ANO10: variants seen among roughly 807,000 people sequenced by gnomAD.
ANO10 encodes anoctamin 10.
In ANO10, 77 loss-of-function variants were observed where a neutral mutation model predicts 74.7. The observed-to-expected ratio is 1.03, with a 90% CI of 0.86 to 1.25. The LOEUF (loss-of-function observed/expected upper bound fraction) is 1.25, where lower values mean the gene tolerates loss of function less well. Ranked by LOEUF, ANO10 falls within the 50% of genes most tolerant of loss-of-function variation. ANO10 has a pLI of 0.00. For synonymous variants in ANO10, 279 were observed against 284.9 expected, an observed-to-expected ratio of 0.98 and a Z score of 0.21; for missense variants, 721 against 778.1, an observed-to-expected ratio of 0.93 and a Z score of 0.87.
chr3:43,384,032 C>T (rs1473099216), intron 12 of ANO10, among the ~76,000 whole-genome samples: 1 of 152,148 alleles, frequency 6.6e-6, no homozygotes, highest in Non-Finnish European at 1.5e-5. Flanking sequence ...AAAGACTCAT[C>T]CAAAAAGTTC....
At chr3:43,413,159 C>CT (rs537419007) in intron 12 of ANO10, among the ~76,000 whole-genome samples, 3 of 152,318 alleles carry the variant, frequency 2.0e-5, no homozygotes, top group African/African-American at 7.2e-5. Flanking sequence ...TCTCATCCTA[C>CT]TTTTTACTTC....
chr3:43,647,004 G>T (rs572847352), intron 1 of ANO10, among the ~76,000 whole-genome samples: 6 of 152,218 alleles, frequency 3.9e-5, no homozygotes, highest in African/African-American at 1.4e-4. Context: ...CCTTCCCAAA[G>T]AAGAAAATTC....
At chr3:43,451,562 A>G (rs2148996878) in intron 11 of ANO10, among the ~76,000 whole-genome samples, 1 of 147,850 alleles carries the variant, frequency 6.8e-6, no homozygotes, top group Admixed American at 6.7e-5. Context: ...TTTTAAAATG[A>G]GGATTTTAAA....
intron 11 of ANO10, among the ~76,000 whole-genome samples, chr3:43,540,558 A>G (rs143741582): frequency 2.4e-4 from 37 of 152,338 alleles, no homozygotes; most frequent in African/African-American, 8.4e-4. Context: ...ACTTTTCATC[A>G]TTCTCCATTC....
chr3:43,437,006 T>G (rs1217731646), intron 11 of ANO10, among the ~76,000 whole-genome samples: 1 of 152,176 alleles, frequency 6.6e-6, no homozygotes, highest in Non-Finnish European at 1.5e-5. Flanking sequence ...GAAAAAGGTA[T>G]CCTCTGCTGA....
chr3:43,536,177 A>G (rs2149263085), intron 11 of ANO10, among the ~76,000 whole-genome samples: 1 of 152,368 alleles, frequency 6.6e-6, no homozygotes, highest in African/African-American at 2.4e-5. Context: ...CAAGTTGTTT[A>G]AAATGCTTCT....
intron 11 of ANO10, among the ~76,000 whole-genome samples, chr3:43,544,031 T>C (rs17408953): frequency 0.048 from 7,357 of 152,286 alleles, 201 homozygotes; most frequent in Non-Finnish European, 0.059. Context: ...TTATCTAAGA[T>C]TTAATATTTG....
At position 43,492,092 on chromosome 3, in the gene ANO10, C is replaced by T. The variant is rs144294013; in HGVS notation, c.1797+57628G>A. Among the ~76,000 whole-genome samples, 782 of 152,070 alleles carry T rather than the reference C, an allele frequency of 5.1e-3. 8 individuals carry two copies. Among genetic ancestry groups the T allele is most frequent in the African/African-American group, 0.017 (722 of 41,454 alleles). ...GCAGAAAGGCTGAAAATTCCAAAAA[C>T]CAGAACACCTCAGAAAAAACCAGAG... On this transcript the variant is annotated intron_variant, in intron 11 of 12. Coordinates refer to ENST00000292246, the MANE Select transcript of ANO10 (RefSeq NM_018075.5).
intron 12 of ANO10, among the ~76,000 whole-genome samples, chr3:43,423,891 C>T (rs917324309): frequency 6.6e-6 from 1 of 152,098 alleles, no homozygotes; most frequent in African/African-American, 2.4e-5. Context: ...TTATTACAGC[C>T]CAGCTGTGTT....
intron 11 of ANO10, among the ~76,000 whole-genome samples, chr3:43,432,989 T>C (rs371659304): frequency 1.3e-4 from 17 of 133,982 alleles, no homozygotes; most frequent in African/African-American, 4.5e-4. Flanking sequence ...CCGAGTTTCA[T>C]TCTGTTGCCC....
chr3:43,666,571 C>T (rs1221616948), intron 1 of ANO10, among the ~76,000 whole-genome samples: 1 of 152,100 alleles, frequency 6.6e-6, no homozygotes, highest in African/African-American at 2.4e-5. Flanking sequence ...AAGACTATAT[C>T]TATATATCTA....
At chr3:43,439,507 T>A (rs960585703) in intron 11 of ANO10, among the ~76,000 whole-genome samples, 2 of 151,592 alleles carry the variant, frequency 1.3e-5, no homozygotes, top group Non-Finnish European at 2.9e-5. Flanking sequence ...AATGCAATGG[T>A]GGTATATAAA....
chr3:43,600,094 CA>C (rs972320809), intron 3 of ANO10, among the ~76,000 whole-genome samples: 2 of 152,078 alleles, frequency 1.3e-5, no homozygotes, highest in Non-Finnish European at 2.9e-5. Flanking sequence ...TGTGTTCATC[CA>C]GGGGAGGCAA....
intron 1 of ANO10, among the ~76,000 whole-genome samples, chr3:43,656,048 T>C (rs1333420069): frequency 2.5e-4 from 33 of 133,842 alleles, no homozygotes; most frequent in Non-Finnish European, 4.3e-4. Context: ...TGTCCATTGG[T>C]GCATTCACAA....
chr3:43,651,816 A>C (rs2083791011), intron 1 of ANO10, among the ~76,000 whole-genome samples: 1 of 152,206 alleles, frequency 6.6e-6, no homozygotes, highest in South Asian at 2.1e-4. Context: ...AGTTCAATCA[A>C]GTTCAAAACT....
chr3:43,580,697 T>C (rs1575476418), intron 4 of ANO10, among the ~76,000 whole-genome samples: 1 of 152,248 alleles, frequency 6.6e-6, no homozygotes, highest in South Asian at 2.1e-4. Flanking sequence ...TTAAACCATA[T>C]AGAAGTGTAA....
At chr3:43,453,060 T>G (rs1374982439) in intron 11 of ANO10, among the ~76,000 whole-genome samples, 1 of 152,226 alleles carries the variant, frequency 6.6e-6, no homozygotes, top group East Asian at 1.9e-4. Context: ...CTTTAATTAT[T>G]CTAGATACAA....
intron 11 of ANO10, among the ~76,000 whole-genome samples, chr3:43,481,512 G>C (rs1046109110): frequency 2.0e-5 from 3 of 152,108 alleles, no homozygotes; most frequent in Non-Finnish European, 2.9e-5. Flanking sequence ...TGGGACATGG[G>C]GGGTTGAACA....
intron 8 of ANO10, among the ~76,000 whole-genome samples, 158 bp downstream of exon 8, chr3:43,565,495 C>T (rs576854806): frequency 6.6e-6 from 1 of 152,124 alleles, no homozygotes; most frequent in South Asian, 2.1e-4. Context: ...TACACAATGC[C>T]ATTCCTAATA....
Sources: allele counts gnomAD v4.1 joint callset (sites outside exome capture counted in the v4.1 genomes callset), GRCh38; gene constraint gnomAD v4.1.1; transcripts MANE v1.5; gene names NCBI Gene and HGNC (gene_info 2026-07-23, HGNC 2026-07-21).